KIF1B: variants seen among roughly 807,000 people sequenced by gnomAD.
KIF1B encodes the protein kinesin-like protein KIF1B.
In KIF1B, 76 loss-of-function variants were observed where a neutral mutation model predicts 241.9. The ratio of observed to expected loss-of-function variants is 0.31; its 90% CI spans 0.26 to 0.38. The LOEUF is 0.38. Ranked by LOEUF, KIF1B falls within the 10% of genes least tolerant of loss-of-function variation. The probability of loss-of-function intolerance (pLI) is 1.00; values close to 1 mark genes in which losing one functional copy is unlikely to be tolerated. For synonymous variants in KIF1B, 750 were observed against 796.7 expected (o/e 0.94, Z 0.99); for missense variants, 1,622 against 2,271.4 (o/e 0.71, Z 5.81).
intron 22 of KIF1B, chr1:10,305,252 T>G (rs1650770499): frequency 9.6e-7 from 1 of 1,042,186 alleles, no homozygotes; most frequent in Non-Finnish European, 1.2e-6. Flanking sequence ...CTTCCACGTC[T>G]TCTTTTATTC....
rs1440948710 is a variant in KIF1B at position 10,215,728 on chromosome 1, A to G, written c.-80+4850A>G. 2.0e-5 allele frequency among the ~76,000 whole-genome samples: 3 copies of G among 151,926 alleles called. No individual in the cohort carries two copies. The South Asian group carries it at 6.2e-4, about 32-fold the overall frequency. On this transcript the variant is annotated intron_variant, in intron 1 of 48. Coordinates refer to ENST00000676179, the MANE Select transcript of KIF1B (RefSeq NM_001365951.3). Reference sequence around the variant, plus strand: ...GCCCAGCTAATTTTTAAATTTTTGTAGAGATGGAGGTCTCACTATATTGCC... The same window carrying G: ...GCCCAGCTAATTTTTAAATTTTTGTGGAGATGGAGGTCTCACTATATTGCC...
chr1:10,244,370 A>T (rs1227821853), intron 2 of KIF1B, among the ~76,000 whole-genome samples: 3 of 141,770 alleles, frequency 2.1e-5, no homozygotes, highest in Non-Finnish European at 3.0e-5. Context: ...GCTGGAGTGC[A>T]ATGGCCCGAT....
chr1:10,376,061 C>T (rs2102365217), intron 48 of KIF1B, among the ~76,000 whole-genome samples: 2 of 152,094 alleles, frequency 1.3e-5, no homozygotes, highest in South Asian at 4.1e-4. Context: ...CCTCGGCCTC[C>T]CAAAGTGCTG....
chr1:10,234,598 T>C (rs1647025834), intron 2 of KIF1B, among the ~76,000 whole-genome samples: 1 of 152,024 alleles, frequency 6.6e-6, no homozygotes, highest in Non-Finnish European at 1.5e-5. Flanking sequence ...CATGGCTTAC[T>C]GCAGCCTTGA....
intron 7 of KIF1B, among the ~76,000 whole-genome samples, chr1:10,269,520 A>G (rs1648663421): frequency 6.6e-6 from 1 of 151,032 alleles, no homozygotes. Context: ...GTCTCAAAAA[A>G]AAAAAAAAAC....
At chr1:10,228,627 T>G (rs1646940738) in intron 1 of KIF1B, among the ~76,000 whole-genome samples, 1 of 151,728 alleles carries the variant, frequency 6.6e-6, no homozygotes, top group Non-Finnish European at 1.5e-5. Flanking sequence ...ACTGGGAGAG[T>G]CTAGACTCCT....
intron 2 of KIF1B, among the ~76,000 whole-genome samples, chr1:10,252,383 G>A (rs931118843): frequency 6.3e-5 from 9 of 142,020 alleles, no homozygotes; most frequent in Admixed American, 2.2e-4. Flanking sequence ...TTTTTGTGGG[G>A]TTTTTGTTGT....
intron 28 of KIF1B, among the ~76,000 whole-genome samples, chr1:10,334,965 G>A (rs1476898168): frequency 1.3e-5 from 2 of 150,644 alleles, no homozygotes; most frequent in South Asian, 2.1e-4. Context: ...TTGAGACAGG[G>A]TCTCACTTTG....
Position 10,326,159 on chromosome 1 carries a change from A to G in KIF1B, c.2724A>G (p.Thr908=). ...TGAACGAGCGCCTTGCCGACCGCAC[A>G]CCCTCCCCCACTTTTTCCACGGCCG... The part of the protein sequence containing the change: ...GCVNERLADR[T]PSPTFSTADS... The change falls in exon 27 of 49, where the codon ACA becomes ACG. Residue 908 remains threonine, a synonymous_variant. Transcript: ENST00000676179. This position sits in a 1 kb window ranked among gnomAD's most constrained non-coding sequence, Gnocchi z 5.2. The G allele has an allele frequency of 6.2e-7, 1 of 1,613,638 alleles. No homozygotes were observed. Among genetic ancestry groups the G allele is most frequent in the Non-Finnish European group, 8.5e-7 (1 of 1,179,936 alleles).
chr1:10,262,030 T>G, intron 5 of KIF1B, 60 bp downstream of exon 5: 2 of 1,125,218 alleles, frequency 1.8e-6, no homozygotes, highest in Non-Finnish European at 2.7e-6. Flanking sequence ...CAAGCATCAC[T>G]TAAATGGCTC....
intron 27 of KIF1B, among the ~76,000 whole-genome samples, chr1:10,328,321 A>G (rs1651797520): frequency 6.6e-6 from 1 of 152,238 alleles, no homozygotes; most frequent in African/African-American, 2.4e-5. Flanking sequence ...TTTGATAGAA[A>G]TGAAAGCCTC....
In KIF1B at chr1:10,315,171, CTTTTTTT is replaced by C. The variant is rs765236286; in HGVS notation, c.2116-4852_2116-4846del. On this transcript the variant is annotated intron_variant, in intron 22 of 48. Transcript: ENST00000676179. The stretch of plus-strand genomic sequence containing the variant: ...CTTATCTCTTAAAATCAAGAATATT[CTTTTTTT>C]TTTTTTTTTTTTTTTTTTTAAGACG... Among the ~76,000 whole-genome samples the C allele has an allele frequency of 1.0e-3, 84 of 80,044 alleles. 1 individual carries two copies. Among genetic ancestry groups the C allele is most frequent in the Middle Eastern group, 8.1e-3 (1 of 124 alleles). 52.5% of individuals were successfully genotyped at this position (80,044 alleles called of 152,430 possible).
At position 10,326,455 on chromosome 1, in the gene KIF1B, A is replaced by G. The variant is rs896516194; in HGVS notation, c.2924+96A>G. Reference sequence around the variant, plus strand: ...ATTTTGGATAACCTTGCATTAGCCAATTCAACTCATGAATGCTCTTTTTCA... The same window carrying G: ...ATTTTGGATAACCTTGCATTAGCCAGTTCAACTCATGAATGCTCTTTTTCA... On this transcript the variant is annotated intron_variant, in intron 27 of 48. Transcript: ENST00000676179. This position sits in a 1 kb window ranked among gnomAD's most constrained non-coding sequence, Gnocchi z 5.2. The G allele has an allele frequency of 2.9e-5, 42 of 1,459,230 alleles. No homozygotes were observed. The highest frequency in any genetic ancestry group is 2.1e-4 in the South Asian group (18 of 87,392). 90.4% of individuals were successfully genotyped at this position (1,459,230 alleles called of 1,614,324 possible). A position where few individuals can be genotyped will look rare whatever the true frequency, so the allele number is the denominator to read the frequency against.
chr1:10,325,027 C>A, intron 26 of KIF1B, 132 bp downstream of exon 26: 1 of 901,620 alleles, frequency 1.1e-6, no homozygotes, highest in South Asian at 1.4e-5. Flanking sequence ...TAATCTTATC[C>A]ACTCACAACC....
intron 22 of KIF1B, chr1:10,304,435 G>A (rs1215440285): frequency 4.3e-6 from 7 of 1,612,504 alleles, no homozygotes; most frequent in African/African-American, 1.3e-5. Flanking sequence ...CACTGCTGAT[G>A]TACAGACTTT....
At chr1:10,321,982 C>T (rs1569821694) in intron 24 of KIF1B, 125 bp downstream of exon 24, 1 of 948,524 alleles carries the variant, frequency 1.1e-6, no homozygotes, top group East Asian at 2.6e-5. Flanking sequence ...TATAAAACAG[C>T]TTTATATATG....
rs181154759 is a variant in KIF1B, at chr1:10,224,405, C to T, written c.-79-7845C>T. Among the ~76,000 whole-genome samples, 228 of 152,154 alleles carry T rather than the reference C, an allele frequency of 1.5e-3. 1 individual carries two copies. Among genetic ancestry groups the T allele is most frequent in the African/African-American group, 4.9e-3 (205 of 41,512 alleles). ...TGCTGGGATTACAAGCGTGAGCTGC[C>T]GTGCCCAGCCTGTTTTGTGTGTGTG... On this transcript the variant is annotated intron_variant, in intron 1 of 48. Coordinates refer to ENST00000676179, the MANE Select transcript of KIF1B (RefSeq NM_001365951.3).
intron 2 of KIF1B, among the ~76,000 whole-genome samples, chr1:10,249,939 T>G (rs917310315): frequency 6.6e-6 from 1 of 152,104 alleles, no homozygotes; most frequent in Admixed American, 6.6e-5. Context: ...ACATTGTGCT[T>G]TAGTTTATCA....
intron 1 of KIF1B, among the ~76,000 whole-genome samples, chr1:10,216,877 G>A (rs1025806231): frequency 6.8e-6 from 1 of 147,476 alleles, no homozygotes; most frequent in Non-Finnish European, 1.5e-5. Flanking sequence ...CTTGGCCTCT[G>A]TTAGGGATAG....
Sources: allele counts gnomAD v4.1 joint callset (sites outside exome capture counted in the v4.1 genomes callset), GRCh38; gene constraint gnomAD v4.1.1; non-coding constraint Gnocchi (gnomAD v3.1); transcripts MANE v1.5; gene names NCBI Gene and HGNC (gene_info 2026-07-23, HGNC 2026-07-21).